The following ASTN1 variants were observed in gnomAD, a reference collection of about 807,000 sequenced individuals.
ASTN1 encodes the protein astrotactin 1.
A neutral mutation model predicts 140.7 loss-of-function variants in ASTN1; 41 were observed. The ratio of observed to expected loss-of-function variants is 0.29; its 90% confidence interval spans 0.23 to 0.38. ASTN1 has a LOEUF of 0.38. ASTN1 is among the 10% of genes least tolerant of loss of function. The pLI is 1.00. For missense variants in ASTN1, 1,479 were observed against 1,678.8 expected, an observed-to-expected ratio of 0.88 and a Z score of 2.08; for synonymous variants, 640 against 652.2, an observed-to-expected ratio of 0.98 and a Z score of 0.29.
chr1:176,938,248 A>G (rs1257813209), intron 14 of ASTN1, among the ~76,000 whole-genome samples: 1 of 152,254 alleles, frequency 6.6e-6, no homozygotes, highest in East Asian at 1.9e-4. Flanking sequence ...TTAAGACTTC[A>G]GTCACATGCT....
At chr1:176,915,313 C>A (rs1401242846) in intron 16 of ASTN1, among the ~76,000 whole-genome samples, 1 of 152,144 alleles carries the variant, frequency 6.6e-6, no homozygotes, top group African/African-American at 2.4e-5. Flanking sequence ...ACTTGTTTTG[C>A]AGATGAAGAA....
chr1:176,967,678 C>T (rs184763303), intron 8 of ASTN1, among the ~76,000 whole-genome samples: 1 of 152,278 alleles, frequency 6.6e-6, no homozygotes, highest in African/African-American at 2.4e-5. Flanking sequence ...CAGAATGACA[C>T]AAATAAATCT....
chr1:177,063,834 C>G (rs1457725784), intron 1 of ASTN1, among the ~76,000 whole-genome samples: 1 of 152,160 alleles, frequency 6.6e-6, no homozygotes, highest in Non-Finnish European at 1.5e-5. Flanking sequence ...AACAGAGCAC[C>G]TGATGACGGA....
intron 8 of ASTN1, among the ~76,000 whole-genome samples, chr1:177,000,709 T>C (rs1674685183): frequency 6.6e-6 from 1 of 152,164 alleles, no homozygotes; most frequent in Non-Finnish European, 1.5e-5. Context: ...ACCAAACAAA[T>C]GCAAGTTACA....
chr1:176,988,473 T>C (rs189137576), intron 8 of ASTN1, among the ~76,000 whole-genome samples: 104 of 152,294 alleles, frequency 6.8e-4, no homozygotes, highest in Admixed American at 9.2e-4. Context: ...TCCCTAGTTA[T>C]AGTAACAAAG....
intron 11 of ASTN1, among the ~76,000 whole-genome samples, chr1:176,954,367 G>A (rs1217863437): frequency 1.3e-5 from 2 of 152,074 alleles, no homozygotes; most frequent in African/African-American, 4.8e-5. Context: ...TTTAAATATG[G>A]GGAAGAGTCA....
chr1:177,143,884 CA>C (rs1682585112), intron 1 of ASTN1, among the ~76,000 whole-genome samples: 1 of 152,062 alleles, frequency 6.6e-6, no homozygotes. Flanking sequence ...GGCAAAATGA[CA>C]ATTAGGAGAA....
chr1:176,894,476 C>G, intron 17 of ASTN1, 86 bp downstream of exon 17: 1 of 1,519,930 alleles, frequency 6.6e-7, no homozygotes, highest in Non-Finnish European at 8.9e-7. Flanking sequence ...TGGCCCTCAA[C>G]CACACCCTGT....
At chr1:177,010,453 G>A (rs1194493598) in intron 8 of ASTN1, among the ~76,000 whole-genome samples, 1 of 152,176 alleles carries the variant, frequency 6.6e-6, no homozygotes, top group Non-Finnish European at 1.5e-5. Context: ...AAAGACCAAG[G>A]CTGTAACCTC....
chr1:177,039,480 G>A (rs1185760195), intron 2 of ASTN1, among the ~76,000 whole-genome samples: 1 of 152,116 alleles, frequency 6.6e-6, no homozygotes, highest in African/African-American at 2.4e-5. Flanking sequence ...TGGAAACTCT[G>A]GGCATATCCT....
chr1:177,137,714 T>C (rs1005538070), intron 1 of ASTN1, among the ~76,000 whole-genome samples: 2 of 152,194 alleles, frequency 1.3e-5, no homozygotes, highest in African/African-American at 4.8e-5. Flanking sequence ...TGGAAAATAC[T>C]GAGGGCCAAT....
intron 8 of ASTN1, among the ~76,000 whole-genome samples, chr1:177,005,782 T>C (rs1423025889): frequency 6.6e-6 from 1 of 152,176 alleles, no homozygotes; most frequent in African/African-American, 2.4e-5. Flanking sequence ...TAATTTTCTG[T>C]ATTTTTAGTA....
intron 2 of ASTN1, among the ~76,000 whole-genome samples, chr1:177,033,857 G>A (rs145062191): frequency 1.5e-3 from 221 of 152,150 alleles, no homozygotes; most frequent in African/African-American, 4.8e-3. Flanking sequence ...TGACATCACC[G>A]GGGCAGCATT....
At position 177,032,964 on chromosome 1, in the gene ASTN1, G is replaced by T. The variant is rs1460337065; in HGVS notation, c.472-115C>A. 1.5e-5 allele frequency: 19 copies of T among 1,231,126 alleles called. No individual in the cohort carries two copies. In the East Asian group the frequency reaches 4.2e-4, roughly 27 times the overall value. 76.3% of individuals were successfully genotyped at this position (1,231,126 alleles called of 1,614,324 possible). A position where few individuals can be genotyped will look rare whatever the true frequency, so the allele number is the denominator to read the frequency against. On this transcript the variant is annotated intron_variant, in intron 2 of 22. Coordinates refer to ENST00000361833, the MANE Select transcript of ASTN1 (RefSeq NM_004319.3). ...ACTTATTTATGCATTCATTCATTCA[G>T]CTGTATTAAGCATTTACAGCAAGCA...
At chr1:176,883,728 C>T (rs1482515832) in intron 19 of ASTN1, among the ~76,000 whole-genome samples, 1 of 152,158 alleles carries the variant, frequency 6.6e-6, no homozygotes, top group African/African-American at 2.4e-5. Flanking sequence ...TGCTGGTGAC[C>T]ACATCCCATG....
intron 5 of ASTN1, among the ~76,000 whole-genome samples, chr1:177,026,968 A>C (rs1676148279): frequency 6.6e-6 from 1 of 152,164 alleles, no homozygotes; most frequent in African/African-American, 2.4e-5. Flanking sequence ...CTTGGAATCA[A>C]GCTCATGTAC....
intron 21 of ASTN1, among the ~76,000 whole-genome samples, chr1:176,875,761 G>A (rs1362633667): frequency 6.6e-6 from 1 of 152,180 alleles, no homozygotes; most frequent in African/African-American, 2.4e-5. Flanking sequence ...TTGTTAATAT[G>A]CAAATGCTAT....
At chr1:176,957,852 C>G in intron 10 of ASTN1, 24 bp from the exon 11 acceptor site, 1 of 1,610,500 alleles carries the variant, frequency 6.2e-7, no homozygotes, top group East Asian at 2.2e-5. Flanking sequence ...GAGTGGGAAG[C>G]AGGGAGGAGT....
chr1:176,868,829 T>TA lies in ASTN1; in HGVS notation c.3647+14dup. The TA allele has an allele frequency of 1.3e-6, 2 of 1,587,058 alleles. No individual in the cohort carries two copies. Among genetic ancestry groups the TA allele is most frequent in the Non-Finnish European group, 8.6e-7 (1 of 1,164,376 alleles). ...CAAGAAGTCTTTAAAAGGGTTGACT[T>TA]AGTTTATTGATTACCTGGGACCTAA... On this transcript the variant is annotated intron_variant, in intron 22 of 22. Coordinates refer to ENST00000361833, the MANE Select transcript of ASTN1 (RefSeq NM_004319.3).
Sources: allele counts gnomAD v4.1 joint callset (sites outside exome capture counted in the v4.1 genomes callset), GRCh38; gene constraint gnomAD v4.1.1; transcripts MANE v1.5; gene names NCBI Gene and HGNC (gene_info 2026-07-23, HGNC 2026-07-21).